The following NR1I2 variants were observed in gnomAD, a reference collection of about 807,000 sequenced individuals.
NR1I2 encodes the protein orphan nuclear receptor PAR1.
A neutral mutation model predicts 43.3 loss-of-function variants in NR1I2; 42 were observed. That is an observed-to-expected ratio of 0.97 (90% CI 0.76 to 1.26). The LOEUF is 1.26. NR1I2 is among the 50% of genes most tolerant of loss of function. The pLI is 0.00. For missense variants in NR1I2, 559 were observed against 566.7 expected, an observed-to-expected ratio of 0.99 and a Z score of 0.14; for synonymous variants, 229 against 215.0, an observed-to-expected ratio of 1.06 and a Z score of -0.57.
At chr3:119,792,670 A>G (rs2054937921) in intron 1 of NR1I2, 1 of 528,042 alleles carries the variant, frequency 1.9e-6, no homozygotes, top group African/African-American at 1.9e-5. Context: ...TGATTGGCTT[A>G]AAGTGAAGGA....
chr3:119,792,572 C>A, intron 1 of NR1I2: 1 of 782,230 alleles, frequency 1.3e-6, no homozygotes, highest in Non-Finnish European at 2.2e-6. Context: ...CCTGCCTGCA[C>A]CTCCATGGGC....
At chr3:119,807,101 T>C (rs1401047096) in intron 1 of NR1I2, 128 bp from the exon 2 acceptor site, 2 of 793,642 alleles carry the variant, frequency 2.5e-6, no homozygotes, top group South Asian at 1.5e-5. Context: ...TTTTTCCCCA[T>C]GAGAGGTCAG....
At chr3:119,793,952 C>T (rs1435654444) in intron 1 of NR1I2, among the ~76,000 whole-genome samples, 1 of 152,152 alleles carries the variant, frequency 6.6e-6, no homozygotes, top group Non-Finnish European at 1.5e-5. Context: ...GATTTCTTTT[C>T]TCATTCTTTC....
intron 5 of NR1I2, among the ~76,000 whole-genome samples, chr3:119,813,891 C>A: frequency 6.6e-6 from 1 of 152,216 alleles, no homozygotes; most frequent in East Asian, 1.9e-4. Flanking sequence ...TCAAGGCCAC[C>A]AATGTCGAGC....
At chr3:119,806,739 G>A (rs1342782832) in intron 1 of NR1I2, among the ~76,000 whole-genome samples, 1 of 152,098 alleles carries the variant, frequency 6.6e-6, no homozygotes, top group African/African-American at 2.4e-5. Flanking sequence ...AACTCTTTCT[G>A]CTCAGCCTTT....
intron 1 of NR1I2, among the ~76,000 whole-genome samples, 194 bp from the exon 2 acceptor site, chr3:119,807,035 C>T (rs927921694): frequency 2.6e-5 from 4 of 152,172 alleles, no homozygotes; most frequent in Admixed American, 2.6e-4. Context: ...TTTTTGTGTA[C>T]AAAATGTCAT....
chr3:119,812,266 A>G (rs2055254714), intron 4 of NR1I2, among the ~76,000 whole-genome samples: 1 of 152,096 alleles, frequency 6.6e-6, no homozygotes, highest in Non-Finnish European at 1.5e-5. Flanking sequence ...AGATATCTCA[A>G]GTGGCCCTTC....
chr3:119,815,844 G>A lies in NR1I2; in HGVS notation c.1160+13G>A, dbSNP rs768694652. On this transcript the variant is annotated intron_variant, in intron 8 of 8. Transcript: ENST00000393716. ...AGCCTGCTCATAGGTGAGCACAGCAGGGGGTGAGGACCCGTGAGGGTGATG... is the reference window on the plus strand; with the variant it reads ...AGCCTGCTCATAGGTGAGCACAGCAAGGGGTGAGGACCCGTGAGGGTGATG... The A allele has an allele frequency of 2.5e-6, 4 of 1,592,066 alleles. No homozygotes were observed. The South Asian group carries it at 3.4e-5, about 14-fold the overall frequency.
chr3:119,817,473 C>G lies in NR1I2; in HGVS notation c.*261C>G, dbSNP rs775942950. On this transcript the variant is annotated 3_prime_UTR_variant, in exon 9 of 9. Transcript: ENST00000393716. ...GCACTGACCTGTAGGTCAGGACCAT[C>G]AGAGAGGCAAGGTTGCCCTTTCCTT... The G allele has an allele frequency of 6.4e-5, 86 of 1,343,638 alleles. No homozygotes were observed. The highest frequency in any genetic ancestry group is 7.6e-5 in the Non-Finnish European group (79 of 1,041,060). 83.2% of individuals were successfully genotyped at this position (1,343,638 alleles called of 1,614,324 possible).
In NR1I2 at chr3:119,817,424, G is replaced by T; in HGVS notation, c.*212G>T. ...CCCAGTTCAGTCTGTAGGGAGTGAAGCCACAGACTCTTACGTGGAGAGTGC... is the reference window on the plus strand; with the variant it reads ...CCCAGTTCAGTCTGTAGGGAGTGAATCCACAGACTCTTACGTGGAGAGTGC... On this transcript the variant is annotated 3_prime_UTR_variant, in exon 9 of 9. Coordinates refer to ENST00000393716, the MANE Select transcript of NR1I2 (RefSeq NM_003889.4). 1.4e-6 allele frequency: 2 copies of T among 1,432,530 alleles called. No homozygotes were observed. Among genetic ancestry groups the T allele is most frequent in the Non-Finnish European group, 1.8e-6 (2 of 1,092,328 alleles). 88.7% of individuals were successfully genotyped at this position (1,432,530 alleles called of 1,614,324 possible).
chr3:119,800,063 C>T (rs774144162), intron 1 of NR1I2, among the ~76,000 whole-genome samples: 1 of 152,088 alleles, frequency 6.6e-6, no homozygotes, highest in South Asian at 2.1e-4. Context: ...TCTAAGAAAT[C>T]TTTCCCTAAC....
rs2054921653 is a variant in NR1I2, at chr3:119,791,685, C to T, written c.-23+9385C>T. 6 of 342,290 alleles carry T rather than the reference C, an allele frequency of 1.8e-5. No homozygotes were observed. The East Asian group carries it at 2.2e-4, about 13-fold the overall frequency. The allele number at this position is 342,290 out of a possible 1,614,324, so 21.2% of individuals were successfully genotyped here. A position where few individuals can be genotyped will look rare whatever the true frequency, so the allele number is the denominator to read the frequency against. The stretch of plus-strand genomic sequence containing the variant: ...ATCCCAGCACTTTGGGAGGCTGAGG[C>T]GGGCGGATCACTTGAGGTCAGGAGT... On this transcript the variant is annotated intron_variant, in intron 1 of 8. Transcript: ENST00000393716.
rs529873717 is a variant in NR1I2 at position 119,815,297 on chromosome 3, C to T, written c.938-26C>T. On this transcript the variant is annotated intron_variant, in intron 6 of 8. Transcript: ENST00000393716. Reference sequence around the variant, plus strand: ...TCTTGGTCAGCTTGCTGAGAAGCTGCCCCTCCATCCTGTTACCATCCACAG... The same window carrying T: ...TCTTGGTCAGCTTGCTGAGAAGCTGTCCCTCCATCCTGTTACCATCCACAG... 3.8e-6 allele frequency: 6 copies of T among 1,587,760 alleles called. 1 individual carries two copies. In the African/African-American group the frequency reaches 6.7e-5, roughly 18 times the overall value.
At chr3:119,800,290 T>G (rs1392505502) in intron 1 of NR1I2, among the ~76,000 whole-genome samples, 1 of 152,224 alleles carries the variant, frequency 6.6e-6, no homozygotes, top group Non-Finnish European at 1.5e-5. Flanking sequence ...TTACCAGAGA[T>G]CAATTAATGA....
intron 1 of NR1I2, among the ~76,000 whole-genome samples, chr3:119,795,772 G>A (rs1388655403): frequency 6.6e-6 from 1 of 152,200 alleles, no homozygotes; most frequent in Non-Finnish European, 1.5e-5. Flanking sequence ...CTCTCCTGTA[G>A]ATCATCCCTT....
chr3:119,788,062 C>A (rs1051004708), intron 1 of NR1I2, among the ~76,000 whole-genome samples: 1 of 152,030 alleles, frequency 6.6e-6, no homozygotes, highest in African/African-American at 2.4e-5. Flanking sequence ...ACATCCTTTT[C>A]CTGGGAAGGA....
At chr3:119,815,498 G>A (rs1052549940) in intron 7 of NR1I2, 59 bp downstream of exon 7, 59 of 1,402,262 alleles carry the variant, frequency 4.2e-5, no homozygotes, top group African/African-American at 7.1e-5. Flanking sequence ...CCTCCCCAGG[G>A]AAGGTCCCAG....
rs2055351551 is a variant in NR1I2, at chr3:119,817,840, T to TCTG, written c.*630_*632dup. The TCTG allele has an allele frequency of 2.0e-6, 2 of 996,530 alleles. No homozygotes were observed. Among genetic ancestry groups the TCTG allele is most frequent in the Admixed American group, 1.1e-4 (2 of 18,866 alleles). 61.7% of individuals were successfully genotyped at this position (996,530 alleles called of 1,614,324 possible). A position where few individuals can be genotyped will look rare whatever the true frequency, so the allele number is the denominator to read the frequency against. On this transcript the variant is annotated 3_prime_UTR_variant, in exon 9 of 9. Transcript: ENST00000393716. ...CATTCCGGCCACATCATTCTGTGTC[T>TCTG]CTGCATCCATTTGAACACATTATTA... is the stretch of plus-strand genomic sequence containing the variant.
In NR1I2 at chr3:119,807,455, T is replaced by G; in HGVS notation, c.197+8T>G. On this transcript the variant is annotated splice_region_variant and intron_variant, in intron 2 of 8. Coordinates refer to ENST00000393716, the MANE Select transcript of NR1I2 (RefSeq NM_003889.4). ...ATGCAAGGGCTTTTTCAGGTAGAGT[T>G]ACCCATCAGCCTTCACCCACGTGCC... 15 of 1,611,950 alleles carry G rather than the reference T, an allele frequency of 9.3e-6. No homozygotes were observed. Among genetic ancestry groups the G allele is most frequent in the Non-Finnish European group, 1.3e-5 (15 of 1,179,198 alleles).
Sources: gnomAD v4.1 joint callset for allele counts (sites outside exome capture counted in the v4.1 genomes callset) on GRCh38, gnomAD v4.1.1 for gene constraint, MANE v1.5 for transcripts, NCBI Gene and HGNC (gene_info 2026-07-23, HGNC 2026-07-21) for gene names.